The following SOX5 variants were observed in gnomAD, a reference collection of about 807,000 sequenced individuals.
The protein encoded by SOX5 is transcription factor SOX-5.
SOX5 carries 9 observed loss-of-function variants against 92.0 expected under a neutral mutation model. The observed-to-expected ratio is 0.10, with a 90% confidence interval of 0.06 to 0.17. The LOEUF is 0.17. Among genes scored for constraint, SOX5 ranks in the 10% least tolerant of loss-of-function variants. The pLI is 1.00. For missense variants in SOX5, 642 were observed against 944.5 expected, an observed-to-expected ratio of 0.68 and a Z score of 4.20; for synonymous variants, 344 against 336.3, an observed-to-expected ratio of 1.02 and a Z score of -0.25.
chr12:24,135,932 G>C (rs1181903053), intron 4 of SOX5, among the ~76,000 whole-genome samples: 2 of 152,190 alleles, frequency 1.3e-5, no homozygotes, highest in Non-Finnish European at 2.9e-5. Flanking sequence ...ATTTCATTTG[G>C]TAGATGATAT....
chr12:24,382,099 G>A (rs752869181), intron 1 of SOX5, among the ~76,000 whole-genome samples: 1 of 152,118 alleles, frequency 6.6e-6, no homozygotes, highest in Non-Finnish European at 1.5e-5. Flanking sequence ...AATATTCTTA[G>A]GGAGATCAAA....
chr12:23,716,190 T>C (rs1449800194), intron 6 of SOX5, among the ~76,000 whole-genome samples: 5 of 152,200 alleles, frequency 3.3e-5, no homozygotes, highest in African/African-American at 9.7e-5. Flanking sequence ...GTTTATAAAG[T>C]AGGCTAATAC....
intron 11 of SOX5, among the ~76,000 whole-genome samples, chr12:23,547,855 G>C (rs1943431727): frequency 6.6e-6 from 1 of 152,068 alleles, no homozygotes; most frequent in South Asian, 2.1e-4. Context: ...TTTTGTGTGT[G>C]AAGTTGTTGT....
rs148101194 is a variant in SOX5 at position 24,083,941 on chromosome 12, C to G, written c.-2+129402G>C. On this transcript the variant is annotated intron_variant, in intron 4 of 4. Coordinates refer to the SOX5 transcript ENST00000446891. The stretch of plus-strand genomic sequence containing the variant: ...TTAAGTACAGCTGACTCGTGTGGGA[C>G]GAGATAGAGAACTAGAAAAACAAAT... Among the ~76,000 whole-genome samples the G allele has an allele frequency of 6.3e-3, 957 of 151,762 alleles. 5 individuals carry two copies. Among genetic ancestry groups the G allele is most frequent in the Non-Finnish European group, 8.8e-3 (597 of 67,892 alleles).
intron 3 of SOX5, among the ~76,000 whole-genome samples, chr12:24,273,491 TTCTTACCAGCTGTTTGATA>T (rs1294107549): frequency 1.3e-5 from 2 of 152,304 alleles, no homozygotes; most frequent in South Asian, 4.1e-4. Flanking sequence ...TTATACGTAT[TTCTTACCAGCTGTTTGATA>T]TCTGCACATC....
chr12:23,694,099 G>T (rs1273657322), intron 6 of SOX5, among the ~76,000 whole-genome samples: 1 of 152,108 alleles, frequency 6.6e-6, no homozygotes, highest in African/African-American at 2.4e-5. Flanking sequence ...TTGCTCCCAT[G>T]ATTATGTTTG....
intron 1 of SOX5, among the ~76,000 whole-genome samples, chr12:23,922,382 C>T (rs1938557195): frequency 2.0e-5 from 3 of 152,074 alleles, no homozygotes; most frequent in Admixed American, 1.3e-4. Context: ...GAAATTCAAC[C>T]CCTACACAGT....
At chr12:24,004,834 C>T (rs1380538561) in intron 4 of SOX5, among the ~76,000 whole-genome samples, 3 of 151,752 alleles carry the variant, frequency 2.0e-5, no homozygotes, top group South Asian at 2.1e-4. Flanking sequence ...GCATTAGTCA[C>T]AATAGACCAA....
At chr12:23,594,212 C>A (rs1404267775) in intron 9 of SOX5, among the ~76,000 whole-genome samples, 10 of 150,832 alleles carry the variant, frequency 6.6e-5, no homozygotes, top group South Asian at 2.1e-4. Flanking sequence ...AAAAAAAAAA[C>A]AAAACAGGAA....
chr12:24,308,320 T>C (rs954085401), intron 2 of SOX5, among the ~76,000 whole-genome samples: 4 of 152,164 alleles, frequency 2.6e-5, no homozygotes, highest in African/African-American at 9.7e-5. Flanking sequence ...TATGCCAACA[T>C]ATAAAAGCCC....
intron 2 of SOX5, among the ~76,000 whole-genome samples, chr12:23,882,484 T>C (rs897847658): frequency 2.0e-5 from 3 of 152,158 alleles, no homozygotes; most frequent in African/African-American, 7.2e-5. Context: ...TTTTAAAATA[T>C]ATACCATTCC....
intron 4 of SOX5, among the ~76,000 whole-genome samples, chr12:23,960,839 A>G (rs1036276178): frequency 3.3e-5 from 5 of 152,104 alleles, no homozygotes; most frequent in Non-Finnish European, 5.9e-5. Flanking sequence ...AAACTAAATT[A>G]AAATGGTTAT....
intron 3 of SOX5, among the ~76,000 whole-genome samples, chr12:23,832,372 C>T (rs1428744214): frequency 6.6e-6 from 1 of 151,866 alleles, no homozygotes; most frequent in African/African-American, 2.4e-5. Context: ...CATTATTGTT[C>T]TTGTTCTTGA....
intron 3 of SOX5, among the ~76,000 whole-genome samples, chr12:24,235,762 TA>T (rs1343692724): frequency 6.6e-6 from 1 of 152,246 alleles, no homozygotes; most frequent in African/African-American, 2.4e-5. Flanking sequence ...TTATCTAGTT[TA>T]TGCTTTTGAG....
intron 3 of SOX5, among the ~76,000 whole-genome samples, chr12:24,218,380 G>T (rs1369677452): frequency 6.6e-6 from 1 of 152,130 alleles, no homozygotes; most frequent in Non-Finnish European, 1.5e-5. Context: ...AGTGACAAAA[G>T]ACCATATATT....
At chr12:24,293,221 T>A (rs1213832647) in intron 2 of SOX5, among the ~76,000 whole-genome samples, 1 of 152,146 alleles carries the variant, frequency 6.6e-6, no homozygotes, top group Non-Finnish European at 1.5e-5. Flanking sequence ...AGAGTTGGAA[T>A]ACAAATAGTG....
intron 3 of SOX5, among the ~76,000 whole-genome samples, chr12:23,765,385 CAA>C (rs373571301): frequency 2.2e-4 from 7 of 31,430 alleles, no homozygotes; most frequent in South Asian, 2.4e-3. Flanking sequence ...TGTAAAACAG[CAA>C]AAAAAAAAAA....
At chr12:23,541,788 T>A (rs1942099580) in intron 13 of SOX5, among the ~76,000 whole-genome samples, 1 of 152,172 alleles carries the variant, frequency 6.6e-6, no homozygotes, top group African/African-American at 2.4e-5. Context: ...CTAGGTGGCA[T>A]CTATTATCTT....
chr12:23,809,989 T>C (rs929947540), intron 3 of SOX5, among the ~76,000 whole-genome samples: 6 of 152,058 alleles, frequency 3.9e-5, no homozygotes, highest in African/African-American at 9.7e-5. Context: ...AAATATTTGG[T>C]TTGAAAGTAT....
Sources: allele counts gnomAD v4.1 joint callset (sites outside exome capture counted in the v4.1 genomes callset), GRCh38; gene constraint gnomAD v4.1.1; transcripts MANE v1.5; gene names NCBI Gene and HGNC (gene_info 2026-07-23, HGNC 2026-07-21).